Variants in MYT1L observed in about 807,000 individuals in gnomAD.
MYT1L encodes the protein myelin transcription factor 1-like protein.
Under a neutral mutation model 126.7 loss-of-function variants are expected in MYT1L, and 12 were observed. The observed-to-expected ratio is 0.09, with a 90% CI of 0.06 to 0.15. MYT1L has a LOEUF of 0.15. Among genes scored for constraint, MYT1L ranks in the 10% least tolerant of loss-of-function variants. The probability of loss-of-function intolerance (pLI) is 1.00; values close to 1 mark genes in which losing one functional copy is unlikely to be tolerated. For synonymous variants in MYT1L, 541 were observed against 604.2 expected (o/e 0.90, Z 1.53); for missense variants, 979 against 1,585.2 (o/e 0.62, Z 6.49).
intron 2 of MYT1L, among the ~76,000 whole-genome samples, chr2:2,273,096 C>T (rs2095294808): frequency 6.6e-6 from 1 of 152,104 alleles, no homozygotes; most frequent in African/African-American, 2.4e-5. Flanking sequence ...GGCTTTGTGT[C>T]CACATGCCCC....
In MYT1L at chr2:2,004,816, A is replaced by G. The variant is rs1406814922; in HGVS notation, c.-157-7469T>C. Among the ~76,000 whole-genome samples the G allele has an allele frequency of 5.8e-3, 642 of 111,638 alleles. 8 individuals carry two copies. Among genetic ancestry groups the G allele is most frequent in the African/African-American group, 0.021 (594 of 28,544 alleles). The allele number at this position is 111,638 out of a possible 152,430, so 73.2% of individuals were successfully genotyped here. Reference sequence around the variant, plus strand: ...CCTGCATGTGTTCTTTCCTGCAGGCATTCTTTCCTGCATGTGTTCTTTCCT... The same window carrying G: ...CCTGCATGTGTTCTTTCCTGCAGGCGTTCTTTCCTGCATGTGTTCTTTCCT... On this transcript the variant is annotated intron_variant, in intron 4 of 24. Coordinates refer to ENST00000647738, the MANE Select transcript of MYT1L (RefSeq NM_001303052.2).
At chr2:2,024,464 T>A (rs1055086368) in intron 4 of MYT1L, among the ~76,000 whole-genome samples, 1 of 152,240 alleles carries the variant, frequency 6.6e-6, no homozygotes, top group African/African-American at 2.4e-5. Flanking sequence ...ATTCACTTGA[T>A]AATTTCCAAG....
rs759226143 is a variant in MYT1L, at chr2:2,267,729, A to G, written c.-421+16675T>C. ...AGGGTGTGCTGAGCTCAAGGAACGC[A>G]GGGGCATCGAAGGAGAAATATCCTG... On this transcript the variant is annotated intron_variant, in intron 2 of 24. Transcript: ENST00000647738. 5.3e-5 allele frequency among the ~76,000 whole-genome samples: 8 copies of G among 152,188 alleles called. No homozygotes were observed. The South Asian group carries it at 1.5e-3, about 28-fold the overall frequency.
chr2:1,946,907 G>C (rs1214769546), intron 8 of MYT1L, among the ~76,000 whole-genome samples: 1 of 152,122 alleles, frequency 6.6e-6, no homozygotes, highest in Non-Finnish European at 1.5e-5. Context: ...TGTTCTGGTG[G>C]ATACCTTCTG....
intron 18 of MYT1L, among the ~76,000 whole-genome samples, chr2:1,864,116 CG>C (rs2045118045): frequency 6.6e-6 from 1 of 152,156 alleles, no homozygotes; most frequent in Admixed American, 6.5e-5. Flanking sequence ...GGTGACAGGC[CG>C]GGCTGTGCCT....
chr2:2,313,568 C>T (rs1271276159), intron 1 of MYT1L, among the ~76,000 whole-genome samples: 1 of 151,570 alleles, frequency 6.6e-6, no homozygotes, highest in African/African-American at 2.4e-5. Context: ...CATTTCTCTT[C>T]AAAGACTCAA....
Position 1,974,650 on chromosome 2 carries a change from AAC to A in MYT1L, c.152+4513_152+4514del, listed in dbSNP as rs1182294906. The A allele has an allele frequency of 3.3e-5, 5 of 152,258 alleles. No individual in the cohort carries two copies. In the East Asian group the frequency reaches 9.7e-4, roughly 29 times the overall value. 9.4% of individuals were successfully genotyped at this position (152,258 alleles called of 1,614,324 possible). A position where few individuals can be genotyped will look rare whatever the true frequency, so the allele number is the denominator to read the frequency against. ...CCTGCTGGGCAATGTGTGGGATGGA[AAC>A]AGTTTTCCTTCGCTGCCAAGAGTGT... On this transcript the variant is annotated intron_variant, in intron 8 of 24. Coordinates refer to ENST00000647738, the MANE Select transcript of MYT1L (RefSeq NM_001303052.2).
chr2:2,093,014 C>T (rs1024732400), intron 3 of MYT1L, among the ~76,000 whole-genome samples: 1 of 152,054 alleles, frequency 6.6e-6, no homozygotes, highest in Non-Finnish European at 1.5e-5. Context: ...TTTCAGGTTA[C>T]AATACATTTT....
chr2:1,801,668 T>C lies in MYT1L; in HGVS notation c.3276+28A>G. ...CTGGTATAATGGCGCGTGTTAGAGC[T>C]AAAATTGAGGGCTTCAAAAACTGTT... On this transcript the variant is annotated intron_variant, in intron 23 of 24. Transcript: ENST00000647738. This position sits in a 1 kb window ranked among gnomAD's most constrained non-coding sequence, Gnocchi z 4.2. 6.8e-7 allele frequency: 1 copy of C among 1,469,674 alleles called. No individual in the cohort carries two copies. Among genetic ancestry groups the C allele is most frequent in the South Asian group, 1.2e-5 (1 of 84,738 alleles). 91.0% of individuals were successfully genotyped at this position (1,469,674 alleles called of 1,614,324 possible).
intron 3 of MYT1L, among the ~76,000 whole-genome samples, chr2:2,057,231 G>A (rs1415723306): frequency 6.6e-6 from 1 of 152,092 alleles, no homozygotes; most frequent in South Asian, 2.1e-4. Flanking sequence ...TCCTTTTATA[G>A]CCCCGCCCAC....
intron 3 of MYT1L, among the ~76,000 whole-genome samples, chr2:2,088,338 C>T (rs982898828): frequency 6.6e-6 from 1 of 152,228 alleles, no homozygotes; most frequent in Non-Finnish European, 1.5e-5. Flanking sequence ...AAATGTCACA[C>T]ACAGAACCAG....
intron 8 of MYT1L, among the ~76,000 whole-genome samples, chr2:1,976,742 A>G (rs1388700475): frequency 6.6e-6 from 1 of 152,238 alleles, no homozygotes; most frequent in Admixed American, 6.5e-5. Context: ...CTAATACATC[A>G]AGGGACACTT....
chr2:1,790,003 G>A lies in MYT1L; in HGVS notation c.*1864C>T, dbSNP rs1035448739. 6.6e-6 allele frequency: 1 copy of A among 152,184 alleles called. No homozygotes were observed. The highest frequency in any genetic ancestry group is 1.5e-5 in the Non-Finnish European group (1 of 68,044). The allele number at this position is 152,184 out of a possible 1,614,324, so 9.4% of individuals were successfully genotyped here. ...TATACCGAGGTTGAGTATTGTATCA[G>A]AATATTCGTCGTGAGATCCCTGTAG... is the stretch of plus-strand genomic sequence containing the variant. On this transcript the variant is annotated 3_prime_UTR_variant, in exon 25 of 25. Coordinates refer to ENST00000647738, the MANE Select transcript of MYT1L (RefSeq NM_001303052.2).
intron 1 of MYT1L, among the ~76,000 whole-genome samples, chr2:2,327,678 A>G (rs909466083): frequency 6.6e-6 from 1 of 152,180 alleles, no homozygotes; most frequent in Non-Finnish European, 1.5e-5. Context: ...GCAAAGGACA[A>G]CATGCATTGG....
chr2:2,056,169 C>T (rs2069526903), intron 3 of MYT1L, among the ~76,000 whole-genome samples: 1 of 152,186 alleles, frequency 6.6e-6, no homozygotes, highest in African/African-American at 2.4e-5. Context: ...GTGCCCTTCC[C>T]ATTCCCAGGT....
intron 2 of MYT1L, among the ~76,000 whole-genome samples, chr2:2,264,641 C>A (rs34150928): frequency 0.25 from 38,695 of 152,026 alleles, 5,161 homozygotes; most frequent in East Asian, 0.5. Flanking sequence ...GGAGTGTGTA[C>A]ACTCCTCCTG....
chr2:2,249,511 GA>G (rs35043544), intron 2 of MYT1L, among the ~76,000 whole-genome samples: 46,193 of 150,566 alleles, frequency 0.31, 7,304 homozygotes, highest in South Asian at 0.42. Context: ...CACCAAAATA[GA>G]AAAAAAAATC....
intron 4 of MYT1L, among the ~76,000 whole-genome samples, chr2:2,015,137 C>T (rs528845064): frequency 5.3e-5 from 8 of 152,160 alleles, no homozygotes; most frequent in African/African-American, 1.2e-4. Flanking sequence ...CTCGACCACG[C>T]GGGTTTTACA....
chr2:2,107,344 G>C (rs2078873427), intron 3 of MYT1L, among the ~76,000 whole-genome samples: 1 of 152,164 alleles, frequency 6.6e-6, no homozygotes, highest in African/African-American at 2.4e-5. Flanking sequence ...AGTTTTATTG[G>C]AACACTGCCA....
Sources: allele counts gnomAD v4.1 joint callset (sites outside exome capture counted in the v4.1 genomes callset), GRCh38; gene constraint gnomAD v4.1.1; non-coding constraint Gnocchi (gnomAD v3.1); transcripts MANE v1.5; gene names NCBI Gene and HGNC (gene_info 2026-07-23, HGNC 2026-07-21).